Variants in GRID1 observed in about 807,000 individuals in gnomAD.
GRID1 encodes glutamate receptor ionotropic, delta-1.
Under a neutral mutation model 98.0 loss-of-function variants are expected in GRID1, and 28 were observed. The observed-to-expected ratio is 0.29, with a 90% CI of 0.21 to 0.39. GRID1 has a LOEUF of 0.39. GRID1 is among the 10% of genes least tolerant of loss of function. The probability of loss-of-function intolerance (pLI) is 1.00; values close to 1 mark genes in which losing one functional copy is unlikely to be tolerated. For missense variants in GRID1, 1,111 were observed against 1,340.5 expected (o/e 0.83, Z 2.67); for synonymous variants, 553 against 538.5 (o/e 1.03, Z -0.37).
At chr10:85,740,927 T>C (rs1312219066) in intron 8 of GRID1, among the ~76,000 whole-genome samples, 2 of 151,994 alleles carry the variant, frequency 1.3e-5, no homozygotes, top group Admixed American at 1.3e-4. Flanking sequence ...AATTTTTGTA[T>C]ATTTTTAGTA....
intron 12 of GRID1, among the ~76,000 whole-genome samples, chr10:85,702,447 A>G (rs902512703): frequency 6.6e-6 from 1 of 152,244 alleles, no homozygotes; most frequent in East Asian, 1.9e-4. Context: ...CATAATACCA[A>G]CATATGAAAA....
chr10:85,912,403 G>A (rs564867822), intron 5 of GRID1, among the ~76,000 whole-genome samples: 6 of 152,272 alleles, frequency 3.9e-5, no homozygotes, highest in South Asian at 2.1e-4. Context: ...CAATTATTTC[G>A]TCTCCAAATA....
intron 8 of GRID1, among the ~76,000 whole-genome samples, chr10:85,792,731 C>T (rs527556226): frequency 1.1e-4 from 16 of 152,270 alleles, no homozygotes; most frequent in East Asian, 3.9e-4. Flanking sequence ...CTCTCAAGCT[C>T]GAAGCCTCTT....
rs1165675750 is a variant in GRID1, at chr10:86,077,781, A to C, written c.726+61038T>G. Among the ~76,000 whole-genome samples the C allele has an allele frequency of 3.3e-5, 5 of 152,226 alleles. No individual in the cohort carries two copies. The East Asian group carries it at 9.6e-4, about 29-fold the overall frequency. On this transcript the variant is annotated intron_variant, in intron 4 of 15. Coordinates refer to ENST00000327946, the MANE Select transcript of GRID1 (RefSeq NM_017551.3). ...GGATGGGAAGCTGAGGAATACATAGATTGAAAGCAGACAAATCATGGATGG... is the reference window on the plus strand; with the variant it reads ...GGATGGGAAGCTGAGGAATACATAGCTTGAAAGCAGACAAATCATGGATGG...
intron 6 of GRID1, among the ~76,000 whole-genome samples, chr10:85,859,594 G>A (rs1843146183): frequency 6.6e-6 from 1 of 152,184 alleles, no homozygotes; most frequent in Admixed American, 6.5e-5. Flanking sequence ...ACAGCAATTT[G>A]TTCTTGTCTA....
At chr10:86,132,681 C>G (rs1472179028) in intron 4 of GRID1, among the ~76,000 whole-genome samples, 3 of 152,196 alleles carry the variant, frequency 2.0e-5, no homozygotes, top group Admixed American at 2.0e-4. Context: ...TGTGGGACAA[C>G]AGAACGTTGA....
rs186803460 is a variant in GRID1, at chr10:85,959,643, G to A, written c.727-43404C>T. The stretch of plus-strand genomic sequence containing the variant: ...ATGATACATAAGGTACTCTTTTTCC[G>A]GTCTGGCTTCTTTTGCTCAGCATAA... On this transcript the variant is annotated intron_variant, in intron 4 of 15. Coordinates refer to ENST00000327946, the MANE Select transcript of GRID1 (RefSeq NM_017551.3). Among the ~76,000 whole-genome samples, 118 of 150,396 alleles carry A rather than the reference G, an allele frequency of 7.8e-4. 1 individual carries two copies. The highest frequency in any genetic ancestry group is 2.6e-3 in the African/African-American group (105 of 40,850).
chr10:85,914,928 G>A (rs144290514), intron 5 of GRID1, among the ~76,000 whole-genome samples: 13 of 152,296 alleles, frequency 8.5e-5, no homozygotes, highest in African/African-American at 2.9e-4. Context: ...CACCCCGGTA[G>A]TGCTCCTCAA....
At chr10:85,781,348 G>C (rs1280259575) in intron 8 of GRID1, among the ~76,000 whole-genome samples, 1 of 152,186 alleles carries the variant, frequency 6.6e-6, no homozygotes, top group African/African-American at 2.4e-5. Context: ...AGACATCTCT[G>C]CGTGCTCCCA....
chr10:85,832,246 C>A (rs1236110116), intron 8 of GRID1, among the ~76,000 whole-genome samples: 3 of 152,194 alleles, frequency 2.0e-5, no homozygotes, highest in South Asian at 4.1e-4. Flanking sequence ...AAAGAAGTTG[C>A]AGCAACTTCA....
At chr10:85,715,719 T>C (rs1841630727) in intron 12 of GRID1, among the ~76,000 whole-genome samples, 1 of 152,124 alleles carries the variant, frequency 6.6e-6, no homozygotes, top group Admixed American at 6.5e-5. Context: ...TAACAAGTGA[T>C]GATGAGAATA....
At chr10:85,929,639 A>G (rs964288574) in intron 4 of GRID1, among the ~76,000 whole-genome samples, 11 of 152,228 alleles carry the variant, frequency 7.2e-5, no homozygotes, top group Admixed American at 1.3e-4. Context: ...GCACAATGTT[A>G]CAATTACAGA....
At chr10:85,613,787 C>T in intron 14 of GRID1, 140 bp from the exon 15 acceptor site, 1 of 999,376 alleles carries the variant, frequency 1.0e-6, no homozygotes, top group Non-Finnish European at 1.5e-6. Context: ...TAGCTCTTCT[C>T]TTCCCAGTCT....
At chr10:86,093,498 A>G (rs1844176964) in intron 4 of GRID1, among the ~76,000 whole-genome samples, 1 of 152,210 alleles carries the variant, frequency 6.6e-6, no homozygotes. Flanking sequence ...AAATAACCTC[A>G]CTAAGAAACA....
intron 5 of GRID1, among the ~76,000 whole-genome samples, chr10:85,872,844 T>C (rs986388604): frequency 6.6e-6 from 1 of 152,210 alleles, no homozygotes; most frequent in African/African-American, 2.4e-5. Context: ...GGTCAGAGCA[T>C]GTATGCTGGC....
intron 4 of GRID1, among the ~76,000 whole-genome samples, chr10:86,077,736 A>G (rs778567841): frequency 3.3e-5 from 5 of 152,198 alleles, no homozygotes; most frequent in Non-Finnish European, 5.9e-5. Flanking sequence ...CTGAGAACCT[A>G]TATTGGGAGC....
intron 4 of GRID1, among the ~76,000 whole-genome samples, chr10:86,110,210 G>A (rs1425391502): frequency 6.6e-6 from 1 of 152,072 alleles, no homozygotes; most frequent in Non-Finnish European, 1.5e-5. Flanking sequence ...CTGACCTCAG[G>A]TGATCCACCT....
At position 85,938,233 on chromosome 10, in the gene GRID1, C is replaced by A. The variant is rs536430826; in HGVS notation, c.727-21994G>T. Among the ~76,000 whole-genome samples, 252 of 152,220 alleles carry A rather than the reference C, an allele frequency of 1.7e-3. 1 individual carries two copies. The highest frequency in any genetic ancestry group is 5.1e-3 in the African/African-American group (211 of 41,536). On this transcript the variant is annotated intron_variant, in intron 4 of 15. Transcript: ENST00000327946. ...TCCACCTGAATTAAGGAGAAAAATA[C>A]TTGGACATATTTTCTATAAGTAAGA...
At chr10:85,679,481 C>T (rs1201863794) in intron 12 of GRID1, among the ~76,000 whole-genome samples, 1 of 152,208 alleles carries the variant, frequency 6.6e-6, no homozygotes, top group Non-Finnish European at 1.5e-5. Flanking sequence ...TGTTCCTCAA[C>T]CCAACCTAAA....
Sources: allele counts gnomAD v4.1 joint callset (sites outside exome capture counted in the v4.1 genomes callset), GRCh38; gene constraint gnomAD v4.1.1; transcripts MANE v1.5; gene names NCBI Gene and HGNC (gene_info 2026-07-23, HGNC 2026-07-21).